Variants in KLHL29 observed in about 807,000 individuals in gnomAD.
KLHL29 encodes kelch-like protein 29.
In KLHL29, 21 loss-of-function variants were observed where a neutral mutation model predicts 80.4. The ratio of observed to expected loss-of-function variants is 0.26; its 90% CI spans 0.19 to 0.38. The LOEUF is 0.38. Among genes scored for constraint, KLHL29 ranks in the 10% least tolerant of loss-of-function variants. The pLI is 1.00. For synonymous variants in KLHL29, 511 were observed against 526.8 expected (o/e 0.97, Z 0.41); for missense variants, 867 against 1,223.9 (o/e 0.71, Z 4.35).
At chr2:23,423,567 T>C (rs1029368367) in intron 1 of KLHL29, among the ~76,000 whole-genome samples, 7 of 152,234 alleles carry the variant, frequency 4.6e-5, no homozygotes, top group African/African-American at 1.7e-4. Flanking sequence ...GCCTCTGTGA[T>C]TTCTGGAGTG....
At chr2:23,422,248 CAT>C (rs1662837745) in intron 1 of KLHL29, among the ~76,000 whole-genome samples, 1 of 149,188 alleles carries the variant, frequency 6.7e-6, no homozygotes, top group African/African-American at 2.5e-5. Flanking sequence ...TGTGTGTGTT[CAT>C]GTGTCTGTGT....
At chr2:23,583,788 A>G (rs913104621) in intron 3 of KLHL29, among the ~76,000 whole-genome samples, 3 of 152,222 alleles carry the variant, frequency 2.0e-5, no homozygotes, top group Non-Finnish European at 2.9e-5. Flanking sequence ...TCTTTAAATC[A>G]AAAAACCACA....
intron 5 of KLHL29, among the ~76,000 whole-genome samples, chr2:23,676,239 G>A (rs1670918558): frequency 6.6e-6 from 1 of 152,078 alleles, no homozygotes; most frequent in African/African-American, 2.4e-5. Flanking sequence ...CTGGAGTGCA[G>A]TGGCGCGATC....
At chr2:23,508,861 C>T (rs1180605896) in intron 2 of KLHL29, among the ~76,000 whole-genome samples, 3 of 152,228 alleles carry the variant, frequency 2.0e-5, no homozygotes, top group Non-Finnish European at 4.4e-5. Context: ...AAGGCAGCTT[C>T]CCTGTCATGG....
chr2:23,462,642 G>C (rs1664246632), intron 1 of KLHL29, among the ~76,000 whole-genome samples: 1 of 152,176 alleles, frequency 6.6e-6, no homozygotes, highest in Non-Finnish European at 1.5e-5. Context: ...ACCTTTGACA[G>C]GATAAGGACT....
rs1349848513 is a variant in KLHL29, at chr2:23,596,417, G to A, written c.285+33936G>A. On this transcript the variant is annotated intron_variant, in intron 3 of 13. Transcript: ENST00000486442. The surrounding 1 kb of genome is among the most constrained non-coding windows in gnomAD (Gnocchi z 4.4). ...GTGTCCTGGTGGCTGCATCCCAGGG[G>A]AGAGGAAGGAACCCGTTTCATAAGC... Among the ~76,000 whole-genome samples the A allele has an allele frequency of 1.3e-5, 2 of 152,194 alleles. No individual in the cohort carries two copies. Among genetic ancestry groups the A allele is most frequent in the Non-Finnish European group, 2.9e-5 (2 of 68,032 alleles).
At chr2:23,692,275 C>T (rs1471209975) in intron 7 of KLHL29, among the ~76,000 whole-genome samples, 1 of 152,246 alleles carries the variant, frequency 6.6e-6, no homozygotes, top group Non-Finnish European at 1.5e-5. Flanking sequence ...TTATTCATAC[C>T]TGGGCTGCCT....
intron 1 of KLHL29, among the ~76,000 whole-genome samples, chr2:23,406,627 A>G (rs539728705): frequency 1.3e-5 from 2 of 152,060 alleles, no homozygotes; most frequent in South Asian, 2.1e-4. Flanking sequence ...AGTTCTTTTT[A>G]TATCATTTTG....
chr2:23,537,173 C>G (rs11678785), intron 2 of KLHL29, among the ~76,000 whole-genome samples: 112,265 of 152,116 alleles, frequency 0.74, 42,086 homozygotes, highest in East Asian at 0.9. Flanking sequence ...ACTGGTTGCT[C>G]TCGGGCTCTG....
chr2:23,696,753 T>G lies in KLHL29; in HGVS notation c.2105+240T>G. ...GTCGCTGAGATGGGAGATGGGGCGC[T>G]TCTGTCCCGACAACCCATTTAGGTG... is the stretch of plus-strand genomic sequence containing the variant. On this transcript the variant is annotated intron_variant, in intron 11 of 13. Coordinates refer to ENST00000486442, the MANE Select transcript of KLHL29 (RefSeq NM_052920.2). The surrounding 1 kb of genome is among the most constrained non-coding windows in gnomAD (Gnocchi z 5.5). The G allele has an allele frequency of 2.2e-6, 1 of 459,736 alleles. No homozygotes were observed. Among genetic ancestry groups the G allele is most frequent in the Admixed American group, 4.0e-5 (1 of 24,822 alleles). The allele number at this position is 459,736 out of a possible 1,614,324, so 28.5% of individuals were successfully genotyped here. A position where few individuals can be genotyped will look rare whatever the true frequency, so the allele number is the denominator to read the frequency against.
intron 3 of KLHL29, among the ~76,000 whole-genome samples, chr2:23,602,166 G>C (rs1668587914): frequency 6.6e-6 from 1 of 152,200 alleles, no homozygotes. Context: ...TTTGGAGACA[G>C]CCAGAGTGTA....
At chr2:23,594,279 G>C (rs537216698) in intron 3 of KLHL29, among the ~76,000 whole-genome samples, 1 of 152,256 alleles carries the variant, frequency 6.6e-6, no homozygotes, top group South Asian at 2.1e-4. Context: ...GGCACTCAGA[G>C]GTGGAGGTGT....
At chr2:23,500,730 C>T (rs1199595989) in intron 2 of KLHL29, among the ~76,000 whole-genome samples, 1 of 152,182 alleles carries the variant, frequency 6.6e-6, no homozygotes, top group Non-Finnish European at 1.5e-5. Context: ...ACATAATTTA[C>T]TATTTCCAAG....
At chr2:23,637,550 G>A (rs1669648615) in intron 3 of KLHL29, among the ~76,000 whole-genome samples, 1 of 152,216 alleles carries the variant, frequency 6.6e-6, no homozygotes, top group South Asian at 2.1e-4. Context: ...ATGCAGGCCA[G>A]AGATAAAGTG....
At chr2:23,438,125 G>GT (rs1430993780) in intron 1 of KLHL29, among the ~76,000 whole-genome samples, 1 of 149,570 alleles carries the variant, frequency 6.7e-6, no homozygotes, top group Non-Finnish European at 1.5e-5. Flanking sequence ...TGTTATTGGT[G>GT]TATAAGAATG....
At chr2:23,608,966 T>C (rs879918072) in intron 3 of KLHL29, among the ~76,000 whole-genome samples, 4 of 152,210 alleles carry the variant, frequency 2.6e-5, no homozygotes, top group Non-Finnish European at 5.9e-5. Context: ...GTGCTCAGAA[T>C]GGGAATAGGA....
At chr2:23,569,919 A>G (rs1423702047) in intron 3 of KLHL29, among the ~76,000 whole-genome samples, 2 of 152,216 alleles carry the variant, frequency 1.3e-5, no homozygotes, top group African/African-American at 4.8e-5. Flanking sequence ...GCACAATGCC[A>G]TGGGGAAGAG....
At chr2:23,651,802 A>G (rs556701120) in intron 5 of KLHL29, among the ~76,000 whole-genome samples, 4 of 152,276 alleles carry the variant, frequency 2.6e-5, no homozygotes, top group African/African-American at 9.6e-5. Context: ...TTGGCTTGCA[A>G]ACAGCCGCCT....
intron 2 of KLHL29, among the ~76,000 whole-genome samples, chr2:23,560,314 A>G (rs1302061316): frequency 1.7e-5 from 2 of 115,920 alleles, no homozygotes; most frequent in East Asian, 2.9e-4. Flanking sequence ...CTCTGTTGAC[A>G]GGCTGGAGTG....
Sources: gnomAD v4.1 joint callset for allele counts (sites outside exome capture counted in the v4.1 genomes callset) on GRCh38, gnomAD v4.1.1 for gene constraint, Gnocchi (gnomAD v3.1) non-coding constraint, MANE v1.5 for transcripts, NCBI Gene and HGNC (gene_info 2026-07-23, HGNC 2026-07-21) for gene names.